NRG1: variants seen among roughly 807,000 people sequenced by gnomAD.
The protein encoded by NRG1 is pro-neuregulin-1, membrane-bound isoform.
In NRG1, 18 loss-of-function variants were observed where a neutral mutation model predicts 63.8. The ratio of observed to expected loss-of-function variants is 0.28; its 90% CI spans 0.19 to 0.42. The LOEUF is 0.42. NRG1 is among the 10% of genes least tolerant of loss of function. NRG1 has a pLI of 1.00. For synonymous variants in NRG1, 302 were observed against 301.3 expected, an observed-to-expected ratio of 1.00 and a Z score of -0.02; for missense variants, 762 against 814.7, an observed-to-expected ratio of 0.94 and a Z score of 0.79.
intron 7 of NRG1, among the ~76,000 whole-genome samples, chr8:32,745,865 G>C (rs952954400): frequency 6.6e-6 from 1 of 152,126 alleles, no homozygotes; most frequent in African/African-American, 2.4e-5. Context: ...CTCAAATTTA[G>C]AATATTTTAA....
intron 1 of NRG1, among the ~76,000 whole-genome samples, chr8:32,360,030 T>C (rs1245376303): frequency 6.6e-6 from 1 of 152,216 alleles, no homozygotes; most frequent in Non-Finnish European, 1.5e-5. Flanking sequence ...ACCAGGAGAC[T>C]AAGTTCCGTG....
intron 1 of NRG1, among the ~76,000 whole-genome samples, chr8:32,087,149 C>T (rs115115471): frequency 3.3e-5 from 5 of 152,136 alleles, no homozygotes; most frequent in Non-Finnish European, 5.9e-5. Flanking sequence ...CTCTCCAAAT[C>T]GCATGTAGAA....
At chr8:31,834,307 G>GCACGCACACACACACACACACACACACA (rs373890145) in intron 1 of NRG1, among the ~76,000 whole-genome samples, 5 of 119,432 alleles carry the variant, frequency 4.2e-5, no homozygotes, top group African/African-American at 1.5e-4. Flanking sequence ...GCGCACGCGC[G>GCACGCACACACACACACACACACACACA]CACACACACA....
At chr8:32,536,625 A>G (rs1432646242) in intron 1 of NRG1, among the ~76,000 whole-genome samples, 1 of 152,120 alleles carries the variant, frequency 6.6e-6, no homozygotes, top group Non-Finnish European at 1.5e-5. Context: ...GAGTCATCTT[A>G]GAATTCTGTT....
At chr8:32,092,537 A>G (rs1829332000) in intron 1 of NRG1, among the ~76,000 whole-genome samples, 1 of 152,066 alleles carries the variant, frequency 6.6e-6, no homozygotes, top group Admixed American at 6.6e-5. Context: ...GAAGAACATT[A>G]AAAAGATTTG....
At chr8:32,615,124 T>G (rs2129541616) in intron 4 of NRG1, among the ~76,000 whole-genome samples, 1 of 152,256 alleles carries the variant, frequency 6.6e-6, no homozygotes, top group East Asian at 1.9e-4. Flanking sequence ...GCACTTATAG[T>G]CTGAGCAGAT....
In NRG1 at chr8:31,639,528, C is replaced by G. The variant is rs143501832; in HGVS notation, c.37+97C>G. On this transcript the variant is annotated intron_variant, in intron 1 of 10. Transcript: ENST00000519301. The stretch of plus-strand genomic sequence containing the variant: ...CGCCTCCAGGGCTCTCTCCCTCGCG[C>G]TCTCTCCCAGCCGCTTGCTCGCAGC... The G allele has an allele frequency of 8.1e-3, 12,112 of 1,493,890 alleles. 63 individuals are homozygous for G. Among genetic ancestry groups the G allele is most frequent in the Non-Finnish European group, 9.9e-3 (11,119 of 1,118,624 alleles). 92.5% of individuals were successfully genotyped at this position (1,493,890 alleles called of 1,614,324 possible).
chr8:31,680,410 C>A (rs182925485), intron 1 of NRG1, among the ~76,000 whole-genome samples: 1 of 151,536 alleles, frequency 6.6e-6, no homozygotes, highest in Admixed American at 6.6e-5. Context: ...TCTGTTCTTG[C>A]GATAGTTTAC....
intron 1 of NRG1, among the ~76,000 whole-genome samples, chr8:31,684,359 C>T (rs576201303): frequency 6.6e-6 from 1 of 152,196 alleles, no homozygotes; most frequent in Non-Finnish European, 1.5e-5. Context: ...ACGTTGGCCT[C>T]TTTGGCCCAT....
rs35663919 is a variant in NRG1 at position 32,747,732 on chromosome 8, GTA to G, written c.691+5024_691+5025del. 9.8e-3 allele frequency among the ~76,000 whole-genome samples: 1,286 copies of G among 131,892 alleles called. 21 individuals carry two copies. The highest frequency in any genetic ancestry group is 0.028 in the African/African-American group (939 of 33,660). The allele number at this position is 131,892 out of a possible 152,430, so 86.5% of individuals were successfully genotyped here. Reference sequence around the variant, plus strand: ...TGTTTGTGTGCATATATGTGTGTGTGTATATATATATATATATATATATATAC... The same window carrying G: ...TGTTTGTGTGCATATATGTGTGTGTGTATATATATATATATATATATATAC... On this transcript the variant is annotated intron_variant, in intron 7 of 11. Transcript: ENST00000356819.
chr8:31,779,989 T>A (rs567146207), intron 1 of NRG1, among the ~76,000 whole-genome samples: 1 of 152,220 alleles, frequency 6.6e-6, no homozygotes, highest in East Asian at 1.9e-4. Flanking sequence ...AATACATCAG[T>A]GCCAGAATGA....
chr8:32,178,655 G>C (rs912929380), intron 1 of NRG1, among the ~76,000 whole-genome samples: 3 of 152,068 alleles, frequency 2.0e-5, no homozygotes, highest in Admixed American at 2.0e-4. Flanking sequence ...AGAATAGACT[G>C]TCCATGGGCA....
chr8:31,727,093 A>T (rs184925353), intron 1 of NRG1, among the ~76,000 whole-genome samples: 2 of 152,132 alleles, frequency 1.3e-5, no homozygotes, highest in Non-Finnish European at 2.9e-5. Context: ...TGTTTCTTAA[A>T]CATGTACGGA....
At chr8:32,643,451 G>A (rs191541622) in intron 5 of NRG1, among the ~76,000 whole-genome samples, 1 of 152,290 alleles carries the variant, frequency 6.6e-6, no homozygotes, top group East Asian at 1.9e-4. Context: ...CCACAGGTTG[G>A]TGCACCATTT....
intron 1 of NRG1, among the ~76,000 whole-genome samples, chr8:32,257,086 AG>A: frequency 6.6e-6 from 1 of 152,174 alleles, no homozygotes; most frequent in Non-Finnish European, 1.5e-5. Flanking sequence ...TTACACTGTG[AG>A]GGGAAAACTG....
chr8:32,365,028 G>A (rs1330653579), intron 1 of NRG1, among the ~76,000 whole-genome samples: 1 of 144,508 alleles, frequency 6.9e-6, no homozygotes, highest in African/African-American at 2.6e-5. Flanking sequence ...GCGTGATCAT[G>A]GCCCACTGCT....
In NRG1 at chr8:32,279,852, G is replaced by A. The variant is rs184790760; in HGVS notation, c.38-315976G>A. ...TATGGTTTTCTGACTGATGTGTAGG[G>A]TAACACAATTAAGGAACTCTCCACT... On this transcript the variant is annotated intron_variant, in intron 1 of 10. Transcript: ENST00000519301. Among the ~76,000 whole-genome samples the A allele has an allele frequency of 2.0e-5, 3 of 152,264 alleles. No individual in the cohort carries two copies. The East Asian group carries it at 5.8e-4, about 29-fold the overall frequency.
At chr8:32,763,187 C>T in intron 11 of NRG1, 1 of 1,608,108 alleles carries the variant, frequency 6.2e-7, no homozygotes, top group Non-Finnish European at 8.5e-7. Context: ...AGGAATAAAT[C>T]TAAGTTACTA....
chr8:32,209,582 G>T (rs897627907), intron 1 of NRG1, among the ~76,000 whole-genome samples: 11 of 152,136 alleles, frequency 7.2e-5, no homozygotes, highest in Admixed American at 3.3e-4. Context: ...TTCGCCAAAA[G>T]ATTATTTAAG....
Sources: gnomAD v4.1 joint callset for allele counts (sites outside exome capture counted in the v4.1 genomes callset) on GRCh38, gnomAD v4.1.1 for gene constraint, MANE v1.5 for transcripts, NCBI Gene and HGNC (gene_info 2026-07-23, HGNC 2026-07-21) for gene names.